The following PASD1 variants were observed in gnomAD, a reference collection of about 807,000 sequenced individuals.
PASD1 encodes the protein PAS domain containing repressor 1, also known as circadian clock protein PASD1.
A neutral mutation model predicts 58.8 loss-of-function variants in PASD1; 13 were observed. That is an observed-to-expected ratio of 0.22 (90% CI 0.14 to 0.35). PASD1 has a LOEUF of 0.35. Ranked by LOEUF, PASD1 falls within the 10% of genes least tolerant of loss-of-function variation. PASD1 has a pLI of 1.00. For missense variants in PASD1, 734 were observed against 568.3 expected, an observed-to-expected ratio of 1.29 and a Z score of -2.96; for synonymous variants, 236 against 216.7, an observed-to-expected ratio of 1.09 and a Z score of -0.78.
At chrX:151,633,789 C>A (rs773721690) in intron 8 of PASD1, among the ~76,000 whole-genome samples, 34 of 112,031 alleles carry the variant, frequency 3.0e-4, no homozygotes, top group African/African-American at 1.0e-3. Context: ...GAGGTTTAGA[C>A]ACTAATGAAA....
chrX:151,584,430 T>A (rs1282334175), intron 1 of PASD1, among the ~76,000 whole-genome samples: 1 of 112,196 alleles, frequency 8.9e-6, no homozygotes, highest in Non-Finnish European at 1.9e-5. Flanking sequence ...GTCCAGCTAC[T>A]GTAACTAGCC....
intron 1 of PASD1, among the ~76,000 whole-genome samples, chrX:151,577,652 G>A (rs1227288033): frequency 1.8e-5 from 2 of 111,564 alleles, no homozygotes; most frequent in African/African-American, 3.3e-5. Flanking sequence ...AGCCTCCCGA[G>A]TAGCTGGGAC....
chrX:151,588,163 T>C (rs1226127475), intron 1 of PASD1, among the ~76,000 whole-genome samples: 5 of 111,902 alleles, frequency 4.5e-5, no homozygotes, highest in Non-Finnish European at 9.4e-5. Context: ...CATATTGAGA[T>C]TTGAAAGACC....
In PASD1 at chrX:151,672,573, A is replaced by G; in HGVS notation, c.1828A>G (p.Ile610Val). ...HPVRFLQAQPIVPVQRAAEQQ... is the reference protein window; with the variant it reads ...HPVRFLQAQPVVPVQRAAEQQ... The stretch of plus-strand genomic sequence containing the variant: ...TGTTAGATTTTTACAGGCCCAACCC[A>G]TTGTTCCTGTCCAGAGAGCAGCTGA... Residue 610 changes from isoleucine (I) to valine (V), a missense_variant, in exon 14 of 16, where the codon ATT becomes GTT. Coordinates refer to ENST00000370357, the MANE Select transcript of PASD1 (RefSeq NM_173493.3). 11 of 1,211,743 alleles carry G rather than the reference A, an allele frequency of 9.1e-6. No individual in the cohort carries two copies. Among genetic ancestry groups the G allele is most frequent in the Non-Finnish European group, 1.1e-5 (10 of 895,504 alleles).
In PASD1 at chrX:151,608,708, C is replaced by T. The variant is rs140567628; in HGVS notation, c.118-2956C>T. ...TCTTGTGTATGCCATGAAGGAGAAA[C>T]ATCACAAAGATAAGAGAATATTCTA... On this transcript the variant is annotated intron_variant, in intron 3 of 15. Coordinates refer to ENST00000370357, the MANE Select transcript of PASD1 (RefSeq NM_173493.3). Among the ~76,000 whole-genome samples, 112 of 110,992 alleles carry T rather than the reference C, an allele frequency of 1.0e-3. No homozygotes were observed. In the East Asian group the frequency reaches 0.027, roughly 26 times the overall value.
chrX:151,596,018 G>T (rs928581374), intron 1 of PASD1, among the ~76,000 whole-genome samples: 3 of 111,666 alleles, frequency 2.7e-5, no homozygotes, highest in African/African-American at 9.8e-5. Context: ...CTGCTTTCCA[G>T]TGTCTTAGAA....
At chrX:151,584,945 A>C (rs2013145526) in intron 1 of PASD1, among the ~76,000 whole-genome samples, 1 of 112,045 alleles carries the variant, frequency 8.9e-6, no homozygotes, top group Non-Finnish European at 1.9e-5. Context: ...AGTTTGTACC[A>C]AGTTTTCTAT....
chrX:151,666,378 T>C (rs1034957379), intron 11 of PASD1, among the ~76,000 whole-genome samples: 4 of 110,338 alleles, frequency 3.6e-5, no homozygotes, highest in African/African-American at 1.3e-4. Flanking sequence ...CCACCTTTTT[T>C]TTTCTCCTTT....
chrX:151,576,810 A>G (rs1056953167), intron 1 of PASD1, among the ~76,000 whole-genome samples: 1 of 112,403 alleles, frequency 8.9e-6, no homozygotes, highest in Non-Finnish European at 1.9e-5. Flanking sequence ...ATTGTATTCT[A>G]TCAAAACATA....
At chrX:151,573,980 T>A (rs889333094) in intron 1 of PASD1, among the ~76,000 whole-genome samples, 1 of 112,425 alleles carries the variant, frequency 8.9e-6, no homozygotes, top group African/African-American at 3.2e-5. Context: ...TTTACTAACA[T>A]GTTGTCTGTA....
chrX:151,647,606 A>G (rs920167310), intron 8 of PASD1, among the ~76,000 whole-genome samples: 58 of 110,561 alleles, frequency 5.2e-4, no homozygotes, highest in African/African-American at 1.8e-3. Context: ...ATGCAAATGA[A>G]TGACTTAACT....
intron 1 of PASD1, among the ~76,000 whole-genome samples, chrX:151,590,310 T>C (rs889963302): frequency 1.8e-5 from 2 of 112,239 alleles, no homozygotes; most frequent in Non-Finnish European, 3.8e-5. Flanking sequence ...AGCCCTGAGA[T>C]ATGTAAGTAA....
intron 11 of PASD1, among the ~76,000 whole-genome samples, chrX:151,669,521 T>C (rs2014436344): frequency 9.0e-6 from 1 of 110,687 alleles, no homozygotes; most frequent in South Asian, 3.8e-4. Flanking sequence ...TGGTACCCAG[T>C]AATCAACTTC....
At chrX:151,603,383 G>T (rs1318891532) in intron 2 of PASD1, among the ~76,000 whole-genome samples, 1 of 112,082 alleles carries the variant, frequency 8.9e-6, no homozygotes, top group Non-Finnish European at 1.9e-5. Context: ...CAAGTTCATG[G>T]GTAATAGTAA....
At chrX:151,606,805 C>CA (rs2013495080) in intron 3 of PASD1, among the ~76,000 whole-genome samples, 1 of 110,749 alleles carries the variant, frequency 9.0e-6, no homozygotes, top group African/African-American at 3.3e-5. Context: ...AGTAGAGAAG[C>CA]AAAGTGCCTT....
At position 151,659,843 on chromosome X, in the gene PASD1, A is replaced by G; in HGVS notation, c.841+7A>G. 8.3e-7 allele frequency: 1 copy of G among 1,200,812 alleles called. No homozygotes were observed. Among genetic ancestry groups the G allele is most frequent in the Non-Finnish European group, 1.1e-6 (1 of 888,924 alleles). On this transcript the variant is annotated splice_region_variant and intron_variant, in intron 10 of 15. Coordinates refer to ENST00000370357, the MANE Select transcript of PASD1 (RefSeq NM_173493.3). ...ACTATGCCTGAATCTCCAGGTAGGT[A>G]CATTTATGCATTTGGATAGGGACTA...
rs537236450 is a variant in PASD1, at chrX:151,592,225, T to A, written c.-27-9302T>A. ...AAAAAACTTACTGGTCTGATCAGAA[T>A]TATGTTAATTTGTACATTAGTTGGG... On this transcript the variant is annotated intron_variant, in intron 1 of 15. Transcript: ENST00000370357. 4.4e-5 allele frequency among the ~76,000 whole-genome samples: 5 copies of A among 112,484 alleles called. No individual in the cohort carries two copies. The South Asian group carries it at 1.8e-3, about 41-fold the overall frequency.
chrX:151,582,714 T>C (rs1266516409), intron 1 of PASD1, among the ~76,000 whole-genome samples: 14 of 111,821 alleles, frequency 1.3e-4, no homozygotes, highest in African/African-American at 4.2e-4. Flanking sequence ...TGCACTGGAC[T>C]GTCACTCCTT....
At position 151,673,958 on chromosome X, in the gene PASD1, C is replaced by T. The variant is rs145671669; in HGVS notation, c.1947C>T (p.Pro649=). The change falls in exon 15 of 16, where the codon CCC becomes CCT. Residue 649 remains proline, a synonymous_variant. Transcript: ENST00000370357. ...SFYPEAYQGP[P]VNQLPLIDTS... ...ATCCTGAGGCGTATCAAGGGCCCCCCGTGAACCAGCTGCCATTGATAGATA... is the reference window on the plus strand; with the variant it reads ...ATCCTGAGGCGTATCAAGGGCCCCCTGTGAACCAGCTGCCATTGATAGATA... The T allele has an allele frequency of 1.2e-4, 146 of 1,209,228 alleles. No homozygotes were observed. The highest frequency in any genetic ancestry group is 1.5e-4 in the Admixed American group (7 of 45,783).
Sources: allele counts gnomAD v4.1 joint callset (sites outside exome capture counted in the v4.1 genomes callset), GRCh38; gene constraint gnomAD v4.1.1; transcripts MANE v1.5; gene names NCBI Gene and HGNC (gene_info 2026-07-23, HGNC 2026-07-21).